Variants in SGCZ observed in about 807,000 individuals in gnomAD.
SGCZ encodes sarcoglycan zeta.
Under a neutral mutation model 41.3 loss-of-function variants are expected in SGCZ, and 40 were observed. The ratio of observed to expected loss-of-function variants is 0.97; its 90% CI spans 0.75 to 1.26. The LOEUF (loss-of-function observed/expected upper bound fraction) is 1.26, where lower values mean the gene tolerates loss of function less well. SGCZ is among the 50% of genes most tolerant of loss of function. The pLI is 0.00. For synonymous variants in SGCZ, 206 were observed against 137.5 expected (o/e 1.50, Z -3.49); for missense variants, 552 against 369.8 (o/e 1.49, Z -4.04).
At chr8:14,196,914 A>G (rs1184541343) in intron 4 of SGCZ, among the ~76,000 whole-genome samples, 1 of 152,162 alleles carries the variant, frequency 6.6e-6, no homozygotes, top group Non-Finnish European at 1.5e-5. Context: ...TGCCATATTT[A>G]TATATAGAGA....
chr8:14,190,263 C>T (rs1179675088), intron 4 of SGCZ, among the ~76,000 whole-genome samples: 8 of 152,056 alleles, frequency 5.3e-5, no homozygotes, highest in Admixed American at 1.3e-4. Flanking sequence ...CCGCCCACCT[C>T]GGCCTCCCAA....
intron 1 of SGCZ, among the ~76,000 whole-genome samples, chr8:15,010,423 T>C (rs183282362): frequency 2.6e-5 from 4 of 152,356 alleles, no homozygotes; most frequent in African/African-American, 9.6e-5. Flanking sequence ...GTTTTCATTT[T>C]ATCTATACCC....
rs1801269389 is a variant in SGCZ, at chr8:14,303,852, G to C, written c.336+20251C>G. On this transcript the variant is annotated intron_variant, in intron 3 of 7. Coordinates refer to ENST00000382080, the MANE Select transcript of SGCZ (RefSeq NM_139167.4). ...CTGCAACCTCCATTCCCTGGGATCA[G>C]GCCATTCTCCTGCTTCAGTCTCCCG... is the stretch of plus-strand genomic sequence containing the variant. 2.6e-5 allele frequency among the ~76,000 whole-genome samples: 4 copies of C among 152,062 alleles called. No homozygotes were observed. The South Asian group carries it at 8.3e-4, about 32-fold the overall frequency.
intron 1 of SGCZ, among the ~76,000 whole-genome samples, chr8:14,782,139 A>T (rs1441498975): frequency 6.6e-6 from 1 of 152,204 alleles, no homozygotes; most frequent in Non-Finnish European, 1.5e-5. Flanking sequence ...TAAAATGAAA[A>T]AATTGGATAA....
chr8:14,304,648 G>T (rs146269679), intron 3 of SGCZ, among the ~76,000 whole-genome samples: 1 of 152,060 alleles, frequency 6.6e-6, no homozygotes, highest in Admixed American at 6.6e-5. Flanking sequence ...TATCGCTCAG[G>T]TTTATGTAGC....
chr8:14,756,923 A>G (rs1392368967), intron 1 of SGCZ, among the ~76,000 whole-genome samples: 1 of 152,238 alleles, frequency 6.6e-6, no homozygotes, highest in Non-Finnish European at 1.5e-5. Context: ...AAATGGTGCT[A>G]TTATAATCTT....
At chr8:14,923,223 T>C (rs73666945) in intron 1 of SGCZ, among the ~76,000 whole-genome samples, 40,521 of 152,116 alleles carry the variant, frequency 0.27, 5,761 homozygotes, top group East Asian at 0.43. Flanking sequence ...CTAGAAGACA[T>C]TGGCCAGTGT....
At chr8:14,630,460 G>A (rs1329947783) in intron 1 of SGCZ, among the ~76,000 whole-genome samples, 3 of 152,074 alleles carry the variant, frequency 2.0e-5, no homozygotes, top group Non-Finnish European at 2.9e-5. Context: ...GGAAGACAGT[G>A]TGGCGATTCC....
intron 1 of SGCZ, among the ~76,000 whole-genome samples, chr8:14,973,786 T>C (rs1424718217): frequency 6.6e-6 from 1 of 152,222 alleles, no homozygotes; most frequent in Non-Finnish European, 1.5e-5. Flanking sequence ...AAGTCCTCTT[T>C]ATTTGCCTGT....
chr8:14,862,013 T>C (rs994414152), intron 1 of SGCZ, among the ~76,000 whole-genome samples: 7 of 151,560 alleles, frequency 4.6e-5, no homozygotes, highest in Admixed American at 1.3e-4. Flanking sequence ...AATTCCACCA[T>C]TGGAAAAAAA....
At chr8:14,232,265 C>G (rs927967629) in intron 4 of SGCZ, among the ~76,000 whole-genome samples, 1 of 151,908 alleles carries the variant, frequency 6.6e-6, no homozygotes, top group Non-Finnish European at 1.5e-5. Context: ...TCTCTACTTC[C>G]TGACTTCATA....
intron 1 of SGCZ, among the ~76,000 whole-genome samples, chr8:14,650,219 G>T (rs2117453130): frequency 6.6e-6 from 1 of 152,138 alleles, no homozygotes; most frequent in East Asian, 1.9e-4. Flanking sequence ...ACTACAGCCA[G>T]CAAATGGATC....
At chr8:14,312,145 G>A (rs1054861237) in intron 3 of SGCZ, among the ~76,000 whole-genome samples, 5 of 152,088 alleles carry the variant, frequency 3.3e-5, no homozygotes, top group African/African-American at 1.2e-4. Context: ...ATACGTATAT[G>A]TATACATGCC....
At chr8:14,571,990 T>C (rs1032377366) in intron 1 of SGCZ, among the ~76,000 whole-genome samples, 3 of 152,202 alleles carry the variant, frequency 2.0e-5, no homozygotes, top group Admixed American at 6.5e-5. Context: ...AATTATCTGA[T>C]TGTTTAAAAT....
At chr8:14,217,103 C>T (rs564406869) in intron 4 of SGCZ, among the ~76,000 whole-genome samples, 1 of 152,042 alleles carries the variant, frequency 6.6e-6, no homozygotes, top group Non-Finnish European at 1.5e-5. Context: ...CTGCCTAACA[C>T]AGTTAAACCC....
At chr8:15,056,963 G>A (rs1804729759) in intron 1 of SGCZ, among the ~76,000 whole-genome samples, 1 of 152,176 alleles carries the variant, frequency 6.6e-6, no homozygotes, top group Non-Finnish European at 1.5e-5. Context: ...AGAGTGGAAT[G>A]CAGCAGGGCA....
At chr8:14,410,786 C>G (rs570182749) in intron 2 of SGCZ, among the ~76,000 whole-genome samples, 2 of 152,132 alleles carry the variant, frequency 1.3e-5, no homozygotes, top group South Asian at 4.1e-4. Context: ...TATACAAAAA[C>G]CAATGAAACG....
intron 1 of SGCZ, among the ~76,000 whole-genome samples, chr8:15,148,574 T>C (rs1799095849): frequency 6.6e-6 from 1 of 152,206 alleles, no homozygotes; most frequent in African/African-American, 2.4e-5. Flanking sequence ...TCTGTCTAGT[T>C]ACCATCAATT....
intron 1 of SGCZ, among the ~76,000 whole-genome samples, chr8:14,814,901 G>T (rs1370141196): frequency 6.6e-6 from 1 of 152,106 alleles, no homozygotes; most frequent in African/African-American, 2.4e-5. Flanking sequence ...GCTACATATA[G>T]TTGCTATTTC....
Sources: allele counts gnomAD v4.1 joint callset (sites outside exome capture counted in the v4.1 genomes callset), GRCh38; gene constraint gnomAD v4.1.1; transcripts MANE v1.5; gene names NCBI Gene and HGNC (gene_info 2026-07-23, HGNC 2026-07-21).